Variants in PRKG1 observed in about 807,000 individuals in gnomAD.
The protein encoded by PRKG1 is cGMP-dependent protein kinase 1.
In PRKG1, 35 loss-of-function variants were observed where a neutral mutation model predicts 88.1. That is an observed-to-expected ratio of 0.40 (90% CI 0.30 to 0.53). The LOEUF is 0.53. Among genes scored for constraint, PRKG1 ranks in the 20% least tolerant of loss-of-function variants. The pLI is 0.59. For synonymous variants in PRKG1, 303 were observed against 292.5 expected (o/e 1.04, Z -0.37); for missense variants, 540 against 839.8 (o/e 0.64, Z 4.41).
chr10:51,017,751 G>A (rs543986885), intron 1 of PRKG1, among the ~76,000 whole-genome samples: 1 of 151,982 alleles, frequency 6.6e-6, no homozygotes, highest in East Asian at 1.9e-4. Flanking sequence ...TAAAACAAAA[G>A]AGTTGCAAAA....
intron 3 of PRKG1, among the ~76,000 whole-genome samples, chr10:51,543,467 A>G (rs1473677397): frequency 6.6e-6 from 1 of 152,222 alleles, no homozygotes. Flanking sequence ...TAGCATCCAC[A>G]TGCAGGTAAC....
At chr10:52,080,434 G>A (rs565803306) in intron 7 of PRKG1, among the ~76,000 whole-genome samples, 2 of 151,852 alleles carry the variant, frequency 1.3e-5, no homozygotes, top group East Asian at 3.9e-4. Flanking sequence ...GAATTATTTT[G>A]TTACATTTTT....
At position 52,201,700 on chromosome 10, in the gene PRKG1, C is replaced by A. The variant is rs187074973; in HGVS notation, c.1076+39737C>A. 5.3e-4 allele frequency among the ~76,000 whole-genome samples: 80 copies of A among 151,996 alleles called. No individual in the cohort carries two copies. The East Asian group carries it at 0.012, about 23-fold the overall frequency. On this transcript the variant is annotated intron_variant, in intron 9 of 17. Transcript: ENST00000373980. The stretch of plus-strand genomic sequence containing the variant: ...TATTTATGAGCATGTAATATTTTTT[C>A]ATTTCTTTATGTCATCTGTGATTTC...
At chr10:51,695,330 T>C (rs548283823) in intron 3 of PRKG1, among the ~76,000 whole-genome samples, 4 of 152,224 alleles carry the variant, frequency 2.6e-5, no homozygotes, top group Admixed American at 6.5e-5. Flanking sequence ...TCAAACTATA[T>C]AGATAATGGC....
At chr10:51,283,877 G>A (rs1278170684) in intron 2 of PRKG1, among the ~76,000 whole-genome samples, 1 of 152,072 alleles carries the variant, frequency 6.6e-6, no homozygotes, top group Admixed American at 6.6e-5. Context: ...AATTTTATCA[G>A]TAAATATTTA....
chr10:51,865,430 T>G (rs1403793059), intron 4 of PRKG1, among the ~76,000 whole-genome samples: 2 of 152,070 alleles, frequency 1.3e-5, no homozygotes, highest in African/African-American at 4.8e-5. Flanking sequence ...TACTATTCTT[T>G]TGAAGGCATT....
At chr10:51,926,053 A>T (rs1325150164) in intron 5 of PRKG1, among the ~76,000 whole-genome samples, 8 of 152,298 alleles carry the variant, frequency 5.3e-5, no homozygotes, top group African/African-American at 1.4e-4. Flanking sequence ...TGAGAAAAAC[A>T]TTTCCTAATA....
intron 1 of PRKG1, among the ~76,000 whole-genome samples, chr10:51,053,520 T>A (rs893993219): frequency 1.1e-4 from 16 of 152,190 alleles, no homozygotes; most frequent in African/African-American, 3.6e-4. Flanking sequence ...CTCAGAGGTA[T>A]ACATGCATCA....
chr10:51,757,803 G>A (rs1468680037), intron 3 of PRKG1, among the ~76,000 whole-genome samples: 4 of 152,246 alleles, frequency 2.6e-5, no homozygotes, highest in South Asian at 4.2e-4. Context: ...AATTTCACCT[G>A]TTTCTCCTTT....
chr10:52,075,720 A>T (rs1401477716), intron 7 of PRKG1, among the ~76,000 whole-genome samples: 2 of 152,200 alleles, frequency 1.3e-5, no homozygotes, highest in African/African-American at 2.4e-5. Flanking sequence ...TGAGGTCAAG[A>T]TGCTAACATT....
chr10:51,185,970 A>C, intron 2 of PRKG1, among the ~76,000 whole-genome samples: 1 of 151,994 alleles, frequency 6.6e-6, no homozygotes, highest in South Asian at 2.1e-4. Context: ...ATCTTAATGA[A>C]AAGTGATTTT....
chr10:51,948,209 A>G (rs994693640), intron 5 of PRKG1, among the ~76,000 whole-genome samples: 1 of 152,194 alleles, frequency 6.6e-6, no homozygotes, highest in Non-Finnish European at 1.5e-5. Flanking sequence ...AGTTTCATGT[A>G]CTGAGAATAT....
chr10:51,534,606 G>T (rs1842097240), intron 3 of PRKG1, among the ~76,000 whole-genome samples: 1 of 147,174 alleles, frequency 6.8e-6, no homozygotes, highest in South Asian at 2.1e-4. Flanking sequence ...GGCAGAGCTT[G>T]CAGTGAGCCG....
intron 9 of PRKG1, among the ~76,000 whole-genome samples, chr10:52,225,829 C>T (rs930657513): frequency 6.6e-6 from 1 of 152,118 alleles, no homozygotes; most frequent in Non-Finnish European, 1.5e-5. Context: ...GCTCTCCATT[C>T]TGTTCCATTG....
chr10:52,193,560 A>AAC (rs1383252889), intron 9 of PRKG1, among the ~76,000 whole-genome samples: 1 of 29,750 alleles, frequency 3.4e-5, no homozygotes. Context: ...AAAAAAAAAA[A>AAC]AACAAAAAAA....
At position 51,277,199 on chromosome 10, in the gene PRKG1, T is replaced by C. The variant is rs1392090695; in HGVS notation, c.478+123869T>C. Among the ~76,000 whole-genome samples the C allele has an allele frequency of 5.9e-5, 9 of 152,246 alleles. No individual in the cohort carries two copies. The East Asian group carries it at 1.5e-3, about 26-fold the overall frequency. On this transcript the variant is annotated intron_variant, in intron 2 of 17. Transcript: ENST00000373980. ...GTATATGGGTAGCCAGTTTTCCCAG[T>C]ACCATTTATTAAATAGGCAATCCTT...
At chr10:52,239,579 A>G (rs1009554345) in intron 9 of PRKG1, among the ~76,000 whole-genome samples, 1 of 145,758 alleles carries the variant, frequency 6.9e-6, no homozygotes, top group Non-Finnish European at 1.5e-5. Context: ...GCCCCCTCCC[A>G]GTTTCTTTCA....
At chr10:51,693,860 C>CT (rs1334260920) in intron 3 of PRKG1, among the ~76,000 whole-genome samples, 5 of 152,006 alleles carry the variant, frequency 3.3e-5, no homozygotes, top group South Asian at 2.1e-4. Flanking sequence ...AAGGAGTAAA[C>CT]TTTTGTTTCA....
At chr10:51,614,904 T>C (rs1839005885) in intron 3 of PRKG1, among the ~76,000 whole-genome samples, 1 of 152,118 alleles carries the variant, frequency 6.6e-6, no homozygotes, top group East Asian at 1.9e-4. Flanking sequence ...CTAGCAGTAT[T>C]TTTTTCTCTT....
Sources: gnomAD v4.1 joint callset for allele counts (sites outside exome capture counted in the v4.1 genomes callset) on GRCh38, gnomAD v4.1.1 for gene constraint, MANE v1.5 for transcripts, NCBI Gene and HGNC (gene_info 2026-07-23, HGNC 2026-07-21) for gene names.